The following DCAF5 variants were observed in gnomAD, a reference collection of about 807,000 sequenced individuals.
The protein encoded by DCAF5 is DDB1 and CUL4 associated factor 5, also known as DDB1- and CUL4-associated factor 5.
DCAF5 carries 9 observed loss-of-function variants against 80.7 expected under a neutral mutation model. That is an observed-to-expected ratio of 0.11 (90% CI 0.07 to 0.19). The LOEUF is 0.19. DCAF5 is among the 10% of genes least tolerant of loss of function. DCAF5 has a pLI of 1.00. For missense variants in DCAF5, 842 were observed against 1,205.7 expected (o/e 0.70, Z 4.47); for synonymous variants, 433 against 461.9 (o/e 0.94, Z 0.80).
chr14:69,140,897 A>AC (rs1483767789), intron 1 of DCAF5, among the ~76,000 whole-genome samples: 1 of 151,624 alleles, frequency 6.6e-6, no homozygotes, highest in East Asian at 1.9e-4. Flanking sequence ...CGGGCAGATC[A>AC]CCCCCGCCTA....
intron 1 of DCAF5, among the ~76,000 whole-genome samples, chr14:69,126,092 CATA>C (rs1302791831): frequency 6.8e-6 from 1 of 146,898 alleles, no homozygotes; most frequent in African/African-American, 2.5e-5. Flanking sequence ...ACAAGATCTA[CATA>C]AGAAAAATTA....
At chr14:69,121,524 T>G (rs563272641) in intron 2 of DCAF5, among the ~76,000 whole-genome samples, 1 of 152,328 alleles carries the variant, frequency 6.6e-6, no homozygotes, top group Admixed American at 6.5e-5. Flanking sequence ...GCTTATATAA[T>G]TGGGTGAATG....
At chr14:69,059,854 T>A (rs1056658841) in intron 8 of DCAF5, among the ~76,000 whole-genome samples, 4 of 152,208 alleles carry the variant, frequency 2.6e-5, no homozygotes, top group African/African-American at 9.6e-5. Flanking sequence ...TCAGATCCCA[T>A]GCAAACTAGG....
At chr14:69,085,237 G>A in intron 6 of DCAF5, 5 of 711,404 alleles carry the variant, frequency 7.0e-6, no homozygotes, top group Non-Finnish European at 1.3e-5. Context: ...GCCTCCCTTT[G>A]TTGATCTGAA....
rs2040279266 is a variant in DCAF5 at position 69,109,477 on chromosome 14, T to C, written c.665+6889A>G. ...TATAGAACCCCAGAAGTTTCCCTCA[T>C]GCCTTCCTTAGTCAATACCTTACCC... is the stretch of plus-strand genomic sequence containing the variant. On this transcript the variant is annotated intron_variant, in intron 5 of 8. Transcript: ENST00000341516. Among the ~76,000 whole-genome samples, 2 of 152,204 alleles carry C rather than the reference T, an allele frequency of 1.3e-5. 1 individual carries two copies. Among genetic ancestry groups the C allele is most frequent in the Admixed American group, 1.3e-4 (2 of 15,278 alleles).
chr14:69,116,484 G>C lies in DCAF5; in HGVS notation c.547C>G (p.Leu183Val). The change falls in exon 5 of 9, where the codon CTG (leucine) becomes GTG (valine). Residue 183 changes from leucine to valine, a missense_variant. Leu to Val is a conservative substitution (Grantham distance 32). Around this residue, in one of 5 missense-constraint regions of DCAF5, gnomAD observed 142 missense variants for 311.9 expected, o/e 0.46. Coordinates refer to ENST00000341516, the MANE Select transcript of DCAF5 (RefSeq NM_003861.3). Reference protein sequence around the residue: ...RESPHGEPFCLANYPSAFHSV... With the variant: ...RESPHGEPFCVANYPSAFHSV... ...TGAAAGGCTGATGGATAGTTTGCCAGGCAGAAGGGCTCTGTGGAAAGAAAA... is the reference window on the plus strand; with the variant it reads ...TGAAAGGCTGATGGATAGTTTGCCACGCAGAAGGGCTCTGTGGAAAGAAAA... The C allele has an allele frequency of 6.2e-7, 1 of 1,612,970 alleles. No homozygotes were observed. The highest frequency in any genetic ancestry group is 8.5e-7 in the Non-Finnish European group (1 of 1,179,120).
chr14:69,115,626 C>T (rs1427305157), intron 5 of DCAF5, among the ~76,000 whole-genome samples: 1 of 152,122 alleles, frequency 6.6e-6, no homozygotes, highest in East Asian at 1.9e-4. Flanking sequence ...AGTAGTCCCT[C>T]CCCCATGGGA....
intron 6 of DCAF5, among the ~76,000 whole-genome samples, chr14:69,086,872 T>C (rs900989304): frequency 3.9e-5 from 6 of 152,158 alleles, no homozygotes; most frequent in Non-Finnish European, 8.8e-5. Context: ...GGCCTTGCCA[T>C]CTATCAAGTT....
chr14:69,062,250 A>G (rs2038242327), intron 8 of DCAF5, 134 bp downstream of exon 8: 1 of 968,654 alleles, frequency 1.0e-6, no homozygotes, highest in South Asian at 2.1e-5. Flanking sequence ...ATATTTTGTA[A>G]TATGTTAAAA....
chr14:69,110,327 T>C (rs996155241), intron 5 of DCAF5, among the ~76,000 whole-genome samples: 4 of 146,586 alleles, frequency 2.7e-5, no homozygotes, highest in Non-Finnish European at 6.0e-5. Context: ...TAGAGTGCAG[T>C]GGTGCAATCT....
At position 69,118,106 on chromosome 14, in the gene DCAF5, A is replaced by C; in HGVS notation, c.535+33T>G. The C allele has an allele frequency of 6.2e-7, 1 of 1,612,596 alleles. No individual in the cohort carries two copies. ...TGAATCTGACATCAAACTGTTCAAC[A>C]CAGTCCAACAGTCATTTGCACAGTG... is the stretch of plus-strand genomic sequence containing the variant. On this transcript the variant is annotated intron_variant, in intron 4 of 8. Transcript: ENST00000341516. This position sits in a 1 kb window ranked among gnomAD's most constrained non-coding sequence, Gnocchi z 4.0.
intron 7 of DCAF5, among the ~76,000 whole-genome samples, chr14:69,073,939 T>C (rs1272461607): frequency 6.6e-6 from 1 of 152,208 alleles, no homozygotes; most frequent in Non-Finnish European, 1.5e-5. Context: ...TGCTAGAACA[T>C]CACTCTTTGT....
At chr14:69,111,681 G>A (rs1208615973) in intron 5 of DCAF5, among the ~76,000 whole-genome samples, 1 of 152,198 alleles carries the variant, frequency 6.6e-6, no homozygotes. Flanking sequence ...TGTTCAGAGG[G>A]CACTGCAACA....
At position 69,095,537 on chromosome 14, in the gene DCAF5, T is replaced by C. The variant is rs184787082; in HGVS notation, c.666-3650A>G. Reference sequence around the variant, plus strand: ...CCTGTGGGGTTTATTTTGTTTTGTTTTGTTTTTTTAAGTACACACACACAC... The same window carrying C: ...CCTGTGGGGTTTATTTTGTTTTGTTCTGTTTTTTTAAGTACACACACACAC... On this transcript the variant is annotated intron_variant, in intron 5 of 8. Coordinates refer to ENST00000341516, the MANE Select transcript of DCAF5 (RefSeq NM_003861.3). Among the ~76,000 whole-genome samples, 272 of 142,040 alleles carry C rather than the reference T, an allele frequency of 1.9e-3. 1 individual carries two copies. The highest frequency in any genetic ancestry group is 6.3e-3 in the African/African-American group (261 of 41,190). The allele number at this position is 142,040 out of a possible 152,430, so 93.2% of individuals were successfully genotyped here. A position where few individuals can be genotyped will look rare whatever the true frequency, so the allele number is the denominator to read the frequency against.
intron 1 of DCAF5, among the ~76,000 whole-genome samples, chr14:69,132,039 T>A (rs1211232404): frequency 6.6e-6 from 1 of 152,170 alleles, no homozygotes; most frequent in Non-Finnish European, 1.5e-5. Context: ...TATCTATTCA[T>A]CCACTGATGG....
At chr14:69,069,999 T>C (rs1466524274) in intron 7 of DCAF5, among the ~76,000 whole-genome samples, 1 of 152,226 alleles carries the variant, frequency 6.6e-6, no homozygotes, top group African/African-American at 2.4e-5. Flanking sequence ...GAAAGTATTA[T>C]TGTTGTTGGT....
intron 6 of DCAF5, chr14:69,084,793 C>A: frequency 9.1e-7 from 1 of 1,100,884 alleles, no homozygotes; most frequent in Non-Finnish European, 1.4e-6. Flanking sequence ...TCCAGTTCTG[C>A]AATGCAGATT....
chr14:69,066,137 G>GTTT (rs1212937696), intron 7 of DCAF5, among the ~76,000 whole-genome samples: 1 of 141,446 alleles, frequency 7.1e-6, no homozygotes, highest in African/African-American at 2.6e-5. Flanking sequence ...TGCTGACACT[G>GTTT]TTTTTTTTTT....
intron 5 of DCAF5, among the ~76,000 whole-genome samples, chr14:69,111,643 G>C (rs1027308388): frequency 6.6e-6 from 1 of 152,174 alleles, no homozygotes. Context: ...GAATTCTCTA[G>C]ACATTAGAGG....
Sources: gnomAD v4.1 joint callset for allele counts (sites outside exome capture counted in the v4.1 genomes callset) on GRCh38, gnomAD v4.1.1 for gene constraint, gnomAD v4.1.1 regional missense constraint, Gnocchi (gnomAD v3.1) non-coding constraint, MANE v1.5 for transcripts, NCBI Gene and HGNC (gene_info 2026-07-23, HGNC 2026-07-21) for gene names.